Variants in RELB observed in about 807,000 individuals in gnomAD.
The protein encoded by RELB is transcription factor RelB.
A neutral mutation model predicts 55.4 loss-of-function variants in RELB; 14 were observed. The ratio of observed to expected loss-of-function variants is 0.25; its 90% confidence interval spans 0.17 to 0.40. The LOEUF is 0.40. Ranked by LOEUF, RELB falls within the 10% of genes least tolerant of loss-of-function variation. RELB has a pLI of 1.00. For synonymous variants in RELB, 409 were observed against 371.3 expected (o/e 1.10, Z -1.17); for missense variants, 669 against 830.7 (o/e 0.81, Z 2.39).
intron 4 of RELB, among the ~76,000 whole-genome samples, chr19:45,016,541 C>A (rs564458630): frequency 1.3e-5 from 2 of 152,000 alleles, no homozygotes; most frequent in Admixed American, 1.3e-4. Context: ...TCCAAAGTGG[C>A]GAACAACTCT....
At chr19:45,003,355 G>C (rs1007767815) in intron 2 of RELB, among the ~76,000 whole-genome samples, 3 of 151,566 alleles carry the variant, frequency 2.0e-5, no homozygotes, top group African/African-American at 7.3e-5. Flanking sequence ...GGCTCCTGTA[G>C]TCCCAGCTAC....
At chr19:45,005,866 A>G (rs1971276112) in intron 2 of RELB, among the ~76,000 whole-genome samples, 1 of 152,178 alleles carries the variant, frequency 6.6e-6, no homozygotes, top group South Asian at 2.1e-4. Context: ...GGCCTCCCAA[A>G]GTGCTAGGAT....
At chr19:45,030,910 C>T (rs543794699) in intron 8 of RELB, among the ~76,000 whole-genome samples, 1 of 152,284 alleles carries the variant, frequency 6.6e-6, no homozygotes, top group African/African-American at 2.4e-5. Flanking sequence ...TCCATCTTGG[C>T]TCTAACACTT....
rs1208458484 is a variant in RELB, at chr19:45,032,559, G to A, written c.1017G>A (p.Arg339=). 4.0e-5 allele frequency: 64 copies of A among 1,613,132 alleles called. No homozygotes were observed. Among genetic ancestry groups the A allele is most frequent in the Non-Finnish European group, 5.3e-5 (63 of 1,179,650 alleles). ...QKEDISVVFS[R]ASWEGRADFS... is the part of the protein sequence containing the mutation. ...AGGACATATCAGTGGTGTTCAGCAGGGCCTCCTGGGAAGGTCGGGCTGACT... is the reference window on the plus strand; with the variant it reads ...AGGACATATCAGTGGTGTTCAGCAGAGCCTCCTGGGAAGGTCGGGCTGACT... Residue 339 remains arginine, a synonymous_variant, in exon 9 of 12, where the codon AGG becomes AGA. Transcript: ENST00000221452.
chr19:45,028,574 T>G (rs1971584459), intron 7 of RELB, among the ~76,000 whole-genome samples: 1 of 152,054 alleles, frequency 6.6e-6, no homozygotes, highest in Non-Finnish European at 1.5e-5. Context: ...CCTCAAGTGA[T>G]CCACCTGCCT....
intron 4 of RELB, among the ~76,000 whole-genome samples, chr19:45,015,522 G>A (rs1886239941): frequency 1.3e-5 from 2 of 151,796 alleles, no homozygotes; most frequent in Admixed American, 6.6e-5. Flanking sequence ...ATCACTTGAG[G>A]CCAGGAGTTC....
At chr19:45,026,754 A>G (rs1971563057) in intron 7 of RELB, among the ~76,000 whole-genome samples, 1 of 151,754 alleles carries the variant, frequency 6.6e-6, no homozygotes, top group Non-Finnish European at 1.5e-5. Flanking sequence ...TCCCATGGCC[A>G]CTCCTAGTTG....
chr19:45,014,372 T>C (rs373680277), intron 4 of RELB, among the ~76,000 whole-genome samples: 1 of 151,902 alleles, frequency 6.6e-6, no homozygotes, highest in Admixed American at 6.6e-5. Flanking sequence ...CATCTCACCA[T>C]GTTGTCCAGG....
chr19:45,028,157 T>C, intron 7 of RELB, among the ~76,000 whole-genome samples: 1 of 152,082 alleles, frequency 6.6e-6, no homozygotes, highest in South Asian at 2.1e-4. Context: ...GTGCTGGCAT[T>C]ACAGGTGTGA....
intron 4 of RELB, among the ~76,000 whole-genome samples, chr19:45,018,262 G>C (rs1310093739): frequency 6.6e-6 from 1 of 152,134 alleles, no homozygotes; most frequent in Admixed American, 6.6e-5. Flanking sequence ...AAATTAGCCA[G>C]GTGTGGTGGC....
intron 8 of RELB, among the ~76,000 whole-genome samples, chr19:45,029,674 C>A (rs1256230573): frequency 6.6e-6 from 1 of 151,982 alleles, no homozygotes; most frequent in African/African-American, 2.4e-5. Flanking sequence ...CATGGTGAAA[C>A]CCCATCTCTA....
At chr19:45,031,037 A>C (rs1971614835) in intron 8 of RELB, among the ~76,000 whole-genome samples, 1 of 152,154 alleles carries the variant, frequency 6.6e-6, no homozygotes, top group Non-Finnish European at 1.5e-5. Context: ...ACTTAGAGGC[A>C]ATCTATATGT....
chr19:45,008,374 C>A (rs1971308984), intron 2 of RELB: 1 of 455,268 alleles, frequency 2.2e-6, no homozygotes, highest in African/African-American at 2.0e-5. Context: ...GAGCTCCAGC[C>A]ACAGCCGCCC....
At chr19:45,023,649 A>G (rs1205695642) in intron 5 of RELB, among the ~76,000 whole-genome samples, 1 of 149,424 alleles carries the variant, frequency 6.7e-6, no homozygotes, top group Admixed American at 6.8e-5. Context: ...CGTGTTAGCC[A>G]GGATGGTTAC....
intron 4 of RELB, among the ~76,000 whole-genome samples, chr19:45,017,450 A>AAAAAAAAAAAAAAAAAAAAAAAAAAC (rs1454338340): frequency 3.5e-5 from 1 of 28,962 alleles, no homozygotes; most frequent in African/African-American, 1.1e-4. Context: ...GAATCTGTCT[A>AAAAAAAAAAAAAAAAAAAAAAAAAAC]AAAAAAAAAA....
chr19:45,007,552 T>G (rs1266677955), intron 2 of RELB, among the ~76,000 whole-genome samples: 3 of 152,070 alleles, frequency 2.0e-5, no homozygotes. Context: ...GACTCTACAC[T>G]CCATGCTCTA....
chr19:45,026,467 C>T (rs1971702576), intron 7 of RELB, among the ~76,000 whole-genome samples: 1 of 151,872 alleles, frequency 6.6e-6, no homozygotes. Flanking sequence ...TCCCTGCTAC[C>T]TGGGAGGCGG....
intron 8 of RELB, among the ~76,000 whole-genome samples, chr19:45,029,399 C>A (rs542865421): frequency 6.6e-6 from 1 of 152,146 alleles, no homozygotes; most frequent in East Asian, 1.9e-4. Flanking sequence ...TCAAATGGCC[C>A]TTCCTCAAAC....
At chr19:45,002,557 T>C (rs965837319) in intron 1 of RELB, among the ~76,000 whole-genome samples, 6 of 152,154 alleles carry the variant, frequency 3.9e-5, no homozygotes, top group African/African-American at 1.2e-4. Context: ...TTCACCATGC[T>C]GGTCAGACTG....
Sources: allele counts gnomAD v4.1 joint callset (sites outside exome capture counted in the v4.1 genomes callset), GRCh38; gene constraint gnomAD v4.1.1; transcripts MANE v1.5; gene names NCBI Gene and HGNC (gene_info 2026-07-23, HGNC 2026-07-21).